Variants in LRIG1 observed in about 807,000 individuals in gnomAD.
The protein encoded by LRIG1 is leucine-rich repeats and immunoglobulin-like domains protein 1.
A neutral mutation model predicts 99.2 loss-of-function variants in LRIG1; 48 were observed. The ratio of observed to expected loss-of-function variants is 0.48; its 90% confidence interval spans 0.38 to 0.62. The LOEUF (loss-of-function observed/expected upper bound fraction) is 0.62. Among genes scored for constraint, LRIG1 ranks in the 20% least tolerant of loss-of-function variants. The pLI, the probability that LRIG1 is intolerant of heterozygous loss-of-function variation, is 0.00. For missense variants in LRIG1, 1,646 were observed against 1,434.4 expected, an observed-to-expected ratio of 1.15 and a Z score of -2.38; for synonymous variants, 772 against 596.1, an observed-to-expected ratio of 1.29 and a Z score of -4.30.
chr3:66,418,311 T>C (rs1702686502), intron 3 of LRIG1, among the ~76,000 whole-genome samples: 1 of 152,206 alleles, frequency 6.6e-6, no homozygotes, highest in Admixed American at 6.5e-5. Context: ...GCCAGGATGG[T>C]CTCGATCTCC....
intron 11 of LRIG1, among the ~76,000 whole-genome samples, chr3:66,395,100 T>C (rs1701794321): frequency 6.6e-6 from 1 of 152,186 alleles, no homozygotes; most frequent in Non-Finnish European, 1.5e-5. Context: ...AGCTGCCTTG[T>C]TCCTGGAAGA....
chr3:66,381,529 G>A lies in LRIG1; in HGVS notation c.2720C>T (p.Pro907Leu), dbSNP rs200269055. 414 of 1,614,032 alleles carry A rather than the reference G, an allele frequency of 2.6e-4. No homozygotes were observed. The highest frequency in any genetic ancestry group is 3.1e-4 in the Non-Finnish European group (362 of 1,179,952). ...TTCAGCTTTCTCCATCGCTTTCCAC[G>A]GCTCTTTGTGATACGCAGACCCAGC... ...LCAGSAYHKE[P>L]WKAMEKAEGT... is the part of the protein sequence containing the mutation. Residue 907 changes from proline (P) to leucine (L), a missense_variant, in exon 17 of 19, where the codon CCG (proline) becomes CTG (leucine). By Grantham distance (98) the Pro-to-Leu change is moderately conservative. Coordinates refer to ENST00000273261, the MANE Select transcript of LRIG1 (RefSeq NM_015541.3).
At chr3:66,442,482 C>G (rs1703573461) in intron 3 of LRIG1, among the ~76,000 whole-genome samples, 2 of 151,318 alleles carry the variant, frequency 1.3e-5, no homozygotes, top group Non-Finnish European at 2.9e-5. Context: ...AGGAAATGGT[C>G]CCAGTTGGAA....
intron 1 of LRIG1, among the ~76,000 whole-genome samples, chr3:66,494,849 G>C (rs571831700): frequency 6.6e-6 from 1 of 152,304 alleles, no homozygotes; most frequent in African/African-American, 2.4e-5. Context: ...GAATGGTCAT[G>C]TATCAAGTAT....
chr3:66,459,494 C>T (rs1031769265), intron 2 of LRIG1, among the ~76,000 whole-genome samples: 2 of 152,236 alleles, frequency 1.3e-5, no homozygotes, highest in East Asian at 1.9e-4. Context: ...ACTTGCAGTG[C>T]TCCCTGTCCT....
chr3:66,469,754 G>A (rs1312022474), intron 1 of LRIG1, among the ~76,000 whole-genome samples: 1 of 152,082 alleles, frequency 6.6e-6, no homozygotes, highest in Non-Finnish European at 1.5e-5. Context: ...GACTTGAAGT[G>A]GTTTACAACC....
rs747784979 is a variant in LRIG1 at position 66,451,617 on chromosome 3, C to G, written c.307G>C (p.Glu103Gln). Residue 103 changes from glutamate to glutamine, a missense_variant, in exon 3 of 19, where the codon GAG (glutamate) becomes CAG (glutamine). By Grantham distance (29) the Glu-to-Gln change is conservative. Transcript: ENST00000273261. ...NLQEVYLNNN[E>Q]LTAVPSLGAA... ...CCCAGGGATGGTACCGCTGTCAACT[C>G]ATTATTATTGAGGTACCTGTAACAA... 1 of 1,613,738 alleles carries G rather than the reference C, an allele frequency of 6.2e-7. No homozygotes were observed. The highest frequency in any genetic ancestry group is 8.5e-7 in the Non-Finnish European group (1 of 1,179,710).
chr3:66,423,374 C>A (rs1343681337), intron 3 of LRIG1, among the ~76,000 whole-genome samples: 3 of 152,078 alleles, frequency 2.0e-5, no homozygotes, highest in African/African-American at 7.2e-5. Context: ...AGTTTTGAGA[C>A]CAGCCTGACC....
At chr3:66,485,486 A>ACT in intron 1 of LRIG1, among the ~76,000 whole-genome samples, 1 of 152,250 alleles carries the variant, frequency 6.6e-6, no homozygotes, top group Middle Eastern at 3.4e-3. Context: ...CTGGACCATG[A>ACT]CTCGCCCATC....
intron 1 of LRIG1, among the ~76,000 whole-genome samples, chr3:66,489,551 G>C (rs1701054688): frequency 7.3e-6 from 1 of 137,904 alleles, no homozygotes; most frequent in African/African-American, 2.7e-5. Flanking sequence ...GTGTGTGTGT[G>C]TCTAACACAC....
chr3:66,405,554 C>T (rs989184940), intron 8 of LRIG1, among the ~76,000 whole-genome samples: 6 of 152,216 alleles, frequency 3.9e-5, no homozygotes, highest in African/African-American at 1.4e-4. Context: ...GGAGGTGGTG[C>T]AGACAGCCCA....
At chr3:66,455,994 T>A (rs1250848326) in intron 2 of LRIG1, among the ~76,000 whole-genome samples, 2 of 152,240 alleles carry the variant, frequency 1.3e-5, no homozygotes, top group African/African-American at 4.8e-5. Flanking sequence ...AAGTACTAAA[T>A]TATCACCTCT....
At chr3:66,419,039 G>A (rs565812787) in intron 3 of LRIG1, among the ~76,000 whole-genome samples, 120 of 152,284 alleles carry the variant, frequency 7.9e-4, no homozygotes, top group African/African-American at 2.7e-3. Context: ...TGTAAAGTAT[G>A]GGAAGAAAAG....
At chr3:66,399,986 G>A (rs1174235097) in intron 9 of LRIG1, among the ~76,000 whole-genome samples, 1 of 152,230 alleles carries the variant, frequency 6.6e-6, no homozygotes, top group Non-Finnish European at 1.5e-5. Flanking sequence ...GCCTGCAGGA[G>A]ATGCCCCAGT....
At chr3:66,395,694 G>C (rs974704934) in intron 11 of LRIG1, among the ~76,000 whole-genome samples, 1 of 152,220 alleles carries the variant, frequency 6.6e-6, no homozygotes, top group Admixed American at 6.5e-5. Context: ...TGCAGGTGGC[G>C]GAAGGGCTGT....
intron 3 of LRIG1, among the ~76,000 whole-genome samples, chr3:66,442,257 A>G (rs1250938078): frequency 6.6e-6 from 1 of 152,052 alleles, no homozygotes; most frequent in Non-Finnish European, 1.5e-5. Context: ...ACACAAACAC[A>G]TTTCTTCCAC....
intron 7 of LRIG1, among the ~76,000 whole-genome samples, chr3:66,407,734 CAG>C (rs1221382263): frequency 1.3e-5 from 2 of 152,240 alleles, no homozygotes; most frequent in African/African-American, 4.8e-5. Context: ...GCATAGGTCA[CAG>C]GGGCCAGGGT....
chr3:66,381,403 C>G (rs944204241), intron 17 of LRIG1, 76 bp downstream of exon 17: 12 of 1,440,638 alleles, frequency 8.3e-6, no homozygotes, highest in Non-Finnish European at 1.2e-5. Flanking sequence ...TGTGTCTCCC[C>G]CTTTGATGTA....
intron 1 of LRIG1, among the ~76,000 whole-genome samples, chr3:66,467,226 T>G (rs1199434966): frequency 2.0e-5 from 3 of 152,194 alleles, no homozygotes; most frequent in Non-Finnish European, 4.4e-5. Context: ...AGTCCTTCAA[T>G]AGCTGCAAAA....
Sources: allele counts gnomAD v4.1 joint callset (sites outside exome capture counted in the v4.1 genomes callset), GRCh38; gene constraint gnomAD v4.1.1; transcripts MANE v1.5; gene names NCBI Gene and HGNC (gene_info 2026-07-23, HGNC 2026-07-21).